Variants in SCHIP1 observed in about 807,000 individuals in gnomAD.
The protein encoded by SCHIP1 is schwannomin interacting protein 1.
A neutral mutation model predicts 29.7 loss-of-function variants in SCHIP1; 8 were observed. The ratio of observed to expected loss-of-function variants is 0.27; its 90% CI spans 0.16 to 0.49. The LOEUF (loss-of-function observed/expected upper bound fraction) is 0.49, where lower values mean the gene tolerates loss of function less well. Ranked by LOEUF, SCHIP1 falls within the 20% of genes least tolerant of loss-of-function variation. The pLI, the probability that SCHIP1 is intolerant of heterozygous loss-of-function variation, is 0.99. For missense variants in SCHIP1, 193 were observed against 294.6 expected (o/e 0.66, Z 2.52); for synonymous variants, 76 against 94.9 (o/e 0.80, Z 1.16).
chr3:159,374,967 A>G, the SCHIP1 span, among the ~76,000 whole-genome samples: 1 of 152,232 alleles, frequency 6.6e-6, no homozygotes, highest in African/African-American at 2.4e-5. Flanking sequence ...TTTTTGTTAT[A>G]AACTATAAGT....
chr3:159,717,362 G>C, the SCHIP1 span, among the ~76,000 whole-genome samples: 1 of 152,040 alleles, frequency 6.6e-6, no homozygotes, highest in Non-Finnish European at 1.5e-5. Flanking sequence ...GCTAGCAGAA[G>C]GCAAGAAATA....
exon 1 of SCHIP1, chr3:159,839,879 T>A (rs907495155): frequency 7.2e-7 from 1 of 1,381,928 alleles, no homozygotes; most frequent in Non-Finnish European, 9.3e-7. Flanking sequence ...GTGCCTATAA[T>A]ATAATTGGCT....
the SCHIP1 span, among the ~76,000 whole-genome samples, chr3:159,396,038 C>T: frequency 6.6e-6 from 1 of 150,812 alleles, no homozygotes; most frequent in Admixed American, 6.6e-5. Context: ...GGATAGTTAG[C>T]TCTTCTTGTT....
chr3:159,487,340 C>G, the SCHIP1 span, among the ~76,000 whole-genome samples: 1 of 152,076 alleles, frequency 6.6e-6, no homozygotes, highest in Non-Finnish European at 1.5e-5. Flanking sequence ...CAAACACACT[C>G]CTGTATCCCA....
chr3:159,694,544 GAAAGA>G, the SCHIP1 span, among the ~76,000 whole-genome samples: 1 of 16,032 alleles, frequency 6.2e-5, no homozygotes, highest in Non-Finnish European at 1.5e-4. Flanking sequence ...AGACAAGAAA[GAAAGA>G]AAGAAAGAAA....
At chr3:159,555,965 T>C in the SCHIP1 span, among the ~76,000 whole-genome samples, 1 of 152,100 alleles carries the variant, frequency 6.6e-6, no homozygotes, top group Admixed American at 6.6e-5. Context: ...ATACCTAATG[T>C]AGATGACAGG....
the SCHIP1 span, among the ~76,000 whole-genome samples, chr3:159,794,298 A>G: frequency 1.3e-5 from 2 of 152,210 alleles, no homozygotes; most frequent in South Asian, 4.1e-4. Flanking sequence ...TGATAATACC[A>G]TGTTCAGAAT....
the SCHIP1 span, among the ~76,000 whole-genome samples, chr3:159,824,493 A>G: frequency 2.6e-5 from 4 of 152,238 alleles, no homozygotes; most frequent in Non-Finnish European, 5.9e-5. Context: ...CTACACAGAT[A>G]TAGCCATCAA....
At chr3:159,754,543 C>T in the SCHIP1 span, among the ~76,000 whole-genome samples, 2 of 152,200 alleles carry the variant, frequency 1.3e-5, no homozygotes, top group Non-Finnish European at 2.9e-5. Flanking sequence ...ATCTACTTAG[C>T]TTCATCTGAA....
the SCHIP1 span, chr3:159,387,574 T>C: frequency 6.4e-6 from 1 of 155,722 alleles, no homozygotes; most frequent in African/African-American, 2.4e-5. Context: ...ACTATTGAAT[T>C]ATCCAATACA....
At chr3:159,800,254 C>A in the SCHIP1 span, among the ~76,000 whole-genome samples, 23,854 of 152,094 alleles carry the variant, frequency 0.16, 1,967 homozygotes, top group East Asian at 0.22. Context: ...CCTCCCTGAA[C>A]CCACCTTTAG....
chr3:159,888,732 T>G, intron 4 of SCHIP1, 88 bp from the exon 6 acceptor site: 1 of 1,534,892 alleles, frequency 6.5e-7, no homozygotes, highest in Non-Finnish European at 8.8e-7. Context: ...GGTGGGTGAG[T>G]GGGTCTTTTA....
At chr3:159,395,763 G>T in the SCHIP1 span, among the ~76,000 whole-genome samples, 16 of 151,454 alleles carry the variant, frequency 1.1e-4, no homozygotes, top group African/African-American at 3.9e-4. Flanking sequence ...TTTGGAATAG[G>T]TGTGGTGTGG....
the SCHIP1 span, among the ~76,000 whole-genome samples, chr3:159,616,962 C>T: frequency 6.6e-6 from 1 of 152,160 alleles, no homozygotes; most frequent in East Asian, 1.9e-4. Flanking sequence ...ATTGCAAGCG[C>T]TCAATGCCAC....
chr3:159,404,690 C>A, the SCHIP1 span, among the ~76,000 whole-genome samples: 31 of 152,204 alleles, frequency 2.0e-4, no homozygotes, highest in African/African-American at 7.5e-4. Flanking sequence ...TCTTGGAACC[C>A]ACCCAGGACT....
the SCHIP1 span, among the ~76,000 whole-genome samples, chr3:159,406,745 G>A: frequency 6.6e-6 from 1 of 152,132 alleles, no homozygotes; most frequent in Non-Finnish European, 1.5e-5. Context: ...AAAAAGTGGG[G>A]GGACAAAGTT....
At chr3:159,657,285 A>G in the SCHIP1 span, among the ~76,000 whole-genome samples, 2 of 152,198 alleles carry the variant, frequency 1.3e-5, no homozygotes, top group Non-Finnish European at 2.9e-5. Context: ...CTCCACCTGA[A>G]AAGTCCAAGT....
the SCHIP1 span, among the ~76,000 whole-genome samples, chr3:159,373,898 C>T: frequency 6.6e-6 from 1 of 152,140 alleles, no homozygotes; most frequent in South Asian, 2.1e-4. Flanking sequence ...AGCATACAGA[C>T]ATTTCTTCCA....
the SCHIP1 span, among the ~76,000 whole-genome samples, chr3:159,462,738 A>G: frequency 6.6e-6 from 1 of 152,066 alleles, no homozygotes; most frequent in African/African-American, 2.4e-5. Context: ...TCTTCCCCTC[A>G]GTTCTTGTTC....
Sources: gnomAD v4.1 joint callset for allele counts (sites outside exome capture counted in the v4.1 genomes callset) on GRCh38, gnomAD v4.1.1 for gene constraint, MANE v1.5 for transcripts, NCBI Gene and HGNC (gene_info 2026-07-23, HGNC 2026-07-21) for gene names.